The following TENM2 variants were observed in gnomAD, a reference collection of about 807,000 sequenced individuals.
TENM2 encodes the protein teneurin transmembrane protein 2.
A neutral mutation model predicts 245.2 loss-of-function variants in TENM2; 52 were observed. That is an observed-to-expected ratio of 0.21 (90% CI 0.17 to 0.27). The LOEUF (loss-of-function observed/expected upper bound fraction) is 0.27, where lower values mean the gene tolerates loss of function less well. Ranked by LOEUF, TENM2 falls within the 10% of genes least tolerant of loss-of-function variation. The probability of loss-of-function intolerance (pLI) is 1.00; values close to 1 mark genes in which losing one functional copy is unlikely to be tolerated. For missense variants in TENM2, 3,046 were observed against 3,666.8 expected, an observed-to-expected ratio of 0.83 and a Z score of 4.37; for synonymous variants, 1,363 against 1,438.9, an observed-to-expected ratio of 0.95 and a Z score of 1.19.
chr5:167,875,778 T>G (rs1773368058), intron 2 of TENM2, among the ~76,000 whole-genome samples: 1 of 152,160 alleles, frequency 6.6e-6, no homozygotes, highest in Non-Finnish European at 1.5e-5. Flanking sequence ...GCTCATGTCC[T>G]TTTTCTGAAA....
chr5:167,553,994 A>G (rs887618994), intron 2 of TENM2, among the ~76,000 whole-genome samples: 1 of 152,188 alleles, frequency 6.6e-6, no homozygotes, highest in Non-Finnish European at 1.5e-5. Context: ...GTCTCACAAC[A>G]TAATGGCACA....
At chr5:167,952,822 G>A (rs759957132) in exon 4 of TENM2, 40 of 1,553,172 alleles carry the variant, frequency 2.6e-5, no homozygotes, top group Non-Finnish European at 2.8e-5. Flanking sequence ...CTGGAGACCC[G>A]GTAAGTCCCC....
chr5:167,631,427 G>A (rs973791554), intron 2 of TENM2, among the ~76,000 whole-genome samples: 11 of 152,122 alleles, frequency 7.2e-5, no homozygotes, highest in African/African-American at 2.7e-4. Flanking sequence ...TCTTAGTATA[G>A]AACCTGTTGG....
the TENM2 span, among the ~76,000 whole-genome samples, chr5:167,153,666 A>AATATAT: frequency 1.3e-5 from 2 of 148,732 alleles, no homozygotes; most frequent in African/African-American, 5.0e-5. Context: ...TATGGCTTTA[A>AATATAT]ATATATATAT....
At chr5:166,979,185 GCACCACCAC>G in the TENM2 span, among the ~76,000 whole-genome samples, 14 of 137,876 alleles carry the variant, frequency 1.0e-4, no homozygotes, top group African/African-American at 1.6e-4. Flanking sequence ...AGCAGCAGCA[GCACCACCAC>G]CAGCAGCAGC....
At chr5:168,219,470 C>T (rs1763474916) in intron 23 of TENM2, among the ~76,000 whole-genome samples, 1 of 152,126 alleles carries the variant, frequency 6.6e-6, no homozygotes, top group South Asian at 2.1e-4. Context: ...ACAGATAAAG[C>T]ATTAGGTATA....
At chr5:167,914,243 G>A (rs1776760136) in intron 3 of TENM2, among the ~76,000 whole-genome samples, 1 of 152,180 alleles carries the variant, frequency 6.6e-6, no homozygotes. Flanking sequence ...TATTATCTGA[G>A]AGTTTTGGAA....
At chr5:167,884,876 A>G (rs1204962828) in intron 3 of TENM2, among the ~76,000 whole-genome samples, 2 of 152,190 alleles carry the variant, frequency 1.3e-5, no homozygotes, top group African/African-American at 4.8e-5. Context: ...CCCACCAGCA[A>G]TACACAAGGG....
At chr5:168,085,802 T>A (rs1792401489) in intron 7 of TENM2, among the ~76,000 whole-genome samples, 1 of 152,100 alleles carries the variant, frequency 6.6e-6, no homozygotes, top group African/African-American at 2.4e-5. Context: ...GACCCTGTGG[T>A]CATGTGGCTT....
chr5:167,939,772 C>T (rs1349678151), intron 3 of TENM2, among the ~76,000 whole-genome samples: 2 of 152,144 alleles, frequency 1.3e-5, no homozygotes, highest in Non-Finnish European at 2.9e-5. Context: ...CTTTCTGTGC[C>T]ACATCGAGTT....
intron 3 of TENM2, among the ~76,000 whole-genome samples, chr5:167,927,812 C>G (rs1193667928): frequency 6.6e-6 from 1 of 152,118 alleles, no homozygotes; most frequent in Non-Finnish European, 1.5e-5. Flanking sequence ...CAGGACGCCA[C>G]CCTTGAGTCT....
At chr5:168,150,552 G>A (rs1474962949) in intron 12 of TENM2, among the ~76,000 whole-genome samples, 1 of 152,030 alleles carries the variant, frequency 6.6e-6, no homozygotes, top group Admixed American at 6.6e-5. Flanking sequence ...GCTCTAGACT[G>A]ACTCCGTCAC....
intron 2 of TENM2, among the ~76,000 whole-genome samples, chr5:167,576,752 GA>G (rs1387715775): frequency 6.6e-6 from 1 of 152,146 alleles, no homozygotes; most frequent in Non-Finnish European, 1.5e-5. Context: ...GAAATATTAA[GA>G]AATTAAAAGC....
intron 25 of TENM2, among the ~76,000 whole-genome samples, chr5:168,238,181 G>GAGAT (rs1554230221): frequency 1.7e-5 from 1 of 59,476 alleles, no homozygotes; most frequent in African/African-American, 1.9e-4. Flanking sequence ...GAGAGAGAGA[G>GAGAT]AGAGGGAGGG....
intron 2 of TENM2, among the ~76,000 whole-genome samples, chr5:167,598,587 A>G (rs959312208): frequency 3.9e-5 from 6 of 152,222 alleles, no homozygotes; most frequent in African/African-American, 1.4e-4. Context: ...CCCGTGTTGG[A>G]AAATGAAAAC....
At chr5:167,613,494 T>C (rs765780360) in intron 2 of TENM2, among the ~76,000 whole-genome samples, 9 of 152,120 alleles carry the variant, frequency 5.9e-5, no homozygotes, top group Admixed American at 3.9e-4. Flanking sequence ...GGGATCCAGG[T>C]AACTGAGGAC....
intron 4 of TENM2, among the ~76,000 whole-genome samples, chr5:167,960,790 C>G (rs1003775008): frequency 1.3e-5 from 2 of 152,198 alleles, no homozygotes; most frequent in African/African-American, 4.8e-5. Flanking sequence ...CCCAAACGGC[C>G]ACCCAGTTTT....
intron 6 of TENM2, among the ~76,000 whole-genome samples, chr5:168,057,457 T>C (rs1277851320): frequency 2.0e-5 from 3 of 152,280 alleles, no homozygotes; most frequent in Middle Eastern, 3.4e-3. Context: ...CACTCTAATA[T>C]AGATATGGAC....
intron 2 of TENM2, among the ~76,000 whole-genome samples, chr5:167,750,716 C>G (rs1045542248): frequency 1.3e-5 from 2 of 152,024 alleles, no homozygotes; most frequent in Non-Finnish European, 2.9e-5. Context: ...CTGGGGTTTT[C>G]TTTTTTTAAT....
Sources: allele counts gnomAD v4.1 joint callset (sites outside exome capture counted in the v4.1 genomes callset), GRCh38; gene constraint gnomAD v4.1.1; transcripts MANE v1.5; gene names NCBI Gene and HGNC (gene_info 2026-07-23, HGNC 2026-07-21).